Variants in NRXN3 observed in about 807,000 individuals in gnomAD.
The protein encoded by NRXN3 is neurexin III.
In NRXN3, 32 loss-of-function variants were observed where a neutral mutation model predicts 137.6. The ratio of observed to expected loss-of-function variants is 0.23; its 90% CI spans 0.18 to 0.31. The LOEUF (loss-of-function observed/expected upper bound fraction) is 0.31, where lower values mean the gene tolerates loss of function less well. Ranked by LOEUF, NRXN3 falls within the 10% of genes least tolerant of loss-of-function variation. The probability of loss-of-function intolerance (pLI) is 1.00; values close to 1 mark genes in which losing one functional copy is unlikely to be tolerated. For missense variants in NRXN3, 1,574 were observed against 2,062.5 expected (o/e 0.76, Z 4.59); for synonymous variants, 798 against 784.5 (o/e 1.02, Z -0.29).
intron 4 of NRXN3, among the ~76,000 whole-genome samples, chr14:78,560,740 C>T (rs1351542627): frequency 6.6e-6 from 1 of 152,130 alleles, no homozygotes; most frequent in African/African-American, 2.4e-5. Flanking sequence ...TTAGCTGGAA[C>T]CTGGGGGAAA....
chr14:78,930,414 T>C (rs1353213403), intron 10 of NRXN3, among the ~76,000 whole-genome samples: 1 of 152,196 alleles, frequency 6.6e-6, no homozygotes, highest in Non-Finnish European at 1.5e-5. Flanking sequence ...CTAAACATAG[T>C]ATGGTATGTT....
At chr14:79,389,464 C>G (rs1015904750) in intron 15 of NRXN3, among the ~76,000 whole-genome samples, 1 of 152,218 alleles carries the variant, frequency 6.6e-6, no homozygotes, top group Admixed American at 6.5e-5. Flanking sequence ...GCTCCCACCT[C>G]TCACCACTGT....
intron 4 of NRXN3, among the ~76,000 whole-genome samples, chr14:78,323,244 A>G (rs79323187): frequency 2.5e-4 from 38 of 152,178 alleles, no homozygotes; most frequent in African/African-American, 9.2e-4. Flanking sequence ...GTACCGTGGT[A>G]TGGGCTACAG....
At chr14:79,282,299 G>A (rs902164800) in intron 15 of NRXN3, among the ~76,000 whole-genome samples, 5 of 152,152 alleles carry the variant, frequency 3.3e-5, no homozygotes, top group African/African-American at 9.7e-5. Flanking sequence ...AATTAAACAC[G>A]GAAATGCTCA....
At chr14:78,987,806 A>C (rs1020151667) in intron 14 of NRXN3, among the ~76,000 whole-genome samples, 1 of 152,130 alleles carries the variant, frequency 6.6e-6, no homozygotes, top group East Asian at 1.9e-4. Context: ...TTCTGTGTAT[A>C]ACTGTTGATA....
At chr14:79,068,480 A>G (rs2152700501) in intron 15 of NRXN3, among the ~76,000 whole-genome samples, 1 of 152,210 alleles carries the variant, frequency 6.6e-6, no homozygotes, top group African/African-American at 2.4e-5. Context: ...CTGCTATCTT[A>G]TATTTATATC....
intron 16 of NRXN3, among the ~76,000 whole-genome samples, chr14:79,600,989 C>T (rs1602744683): frequency 6.8e-6 from 1 of 146,764 alleles, no homozygotes; most frequent in East Asian, 2.0e-4. Flanking sequence ...TATCTGTGTT[C>T]TTAACAATCT....
intron 15 of NRXN3, among the ~76,000 whole-genome samples, chr14:79,359,761 G>A (rs1217678286): frequency 2.0e-5 from 3 of 151,746 alleles, no homozygotes; most frequent in African/African-American, 7.3e-5. Flanking sequence ...AGTAGACATG[G>A]GGTTTCACCA....
intron 20 of NRXN3, among the ~76,000 whole-genome samples, chr14:79,837,065 G>A (rs1321387743): frequency 2.6e-5 from 4 of 152,004 alleles, no homozygotes; most frequent in East Asian, 1.9e-4. Flanking sequence ...AATTATCACC[G>A]CTTTCTAAGA....
intron 2 of NRXN3, among the ~76,000 whole-genome samples, chr14:78,264,486 G>A (rs1202158046): frequency 1.3e-5 from 2 of 152,122 alleles, no homozygotes; most frequent in Admixed American, 6.6e-5. Context: ...TGGCAGAGTT[G>A]GGGAGGGGAG....
intron 16 of NRXN3, among the ~76,000 whole-genome samples, chr14:79,522,193 A>G (rs2097072760): frequency 6.6e-6 from 1 of 152,190 alleles, no homozygotes; most frequent in South Asian, 2.1e-4. Flanking sequence ...GAAAAGGTAG[A>G]CACAAGTTGA....
At chr14:78,484,559 C>T (rs1175134937) in intron 4 of NRXN3, among the ~76,000 whole-genome samples, 3 of 152,096 alleles carry the variant, frequency 2.0e-5, no homozygotes, top group Non-Finnish European at 4.4e-5. Flanking sequence ...CCCAGGTTGG[C>T]CATTCTCTCC....
intron 15 of NRXN3, among the ~76,000 whole-genome samples, chr14:79,385,186 A>C (rs2094572503): frequency 7.3e-6 from 1 of 136,820 alleles, no homozygotes; most frequent in African/African-American, 2.7e-5. Context: ...CATTAGGTAT[A>C]TCTCCCAATG....
intron 4 of NRXN3, among the ~76,000 whole-genome samples, chr14:78,524,216 T>C (rs2096339279): frequency 6.6e-6 from 1 of 152,200 alleles, no homozygotes; most frequent in Non-Finnish European, 1.5e-5. Flanking sequence ...CTTTACTGGA[T>C]AGTTTCGTAT....
At chr14:78,824,415 A>T (rs2098960507) in intron 10 of NRXN3, among the ~76,000 whole-genome samples, 1 of 152,224 alleles carries the variant, frequency 6.6e-6, no homozygotes, top group Non-Finnish European at 1.5e-5. Flanking sequence ...TGCACTATTC[A>T]TCATTGTATC....
intron 15 of NRXN3, among the ~76,000 whole-genome samples, chr14:79,161,305 G>T (rs1296619891): frequency 6.6e-6 from 1 of 151,910 alleles, no homozygotes; most frequent in Admixed American, 6.6e-5. Flanking sequence ...TTGTAAGATA[G>T]ATACTTGGAG....
intron 10 of NRXN3, among the ~76,000 whole-genome samples, chr14:78,868,753 G>A (rs1280452057): frequency 6.6e-6 from 1 of 151,982 alleles, no homozygotes; most frequent in African/African-American, 2.4e-5. Context: ...CCTGGGAGGA[G>A]GAGGTTGTGG....
chr14:79,346,422 A>G (rs537708639), intron 15 of NRXN3, among the ~76,000 whole-genome samples: 1 of 152,310 alleles, frequency 6.6e-6, no homozygotes, highest in African/African-American at 2.4e-5. Context: ...ACTCTGTCTC[A>G]AAAAATAAGA....
intron 15 of NRXN3, among the ~76,000 whole-genome samples, chr14:79,239,920 T>C (rs535008330): frequency 3.3e-5 from 5 of 152,232 alleles, no homozygotes; most frequent in South Asian, 2.1e-4. Flanking sequence ...ACAGAAAGAC[T>C]AAAACAGCAT....
Sources: gnomAD v4.1 joint callset for allele counts (sites outside exome capture counted in the v4.1 genomes callset) on GRCh38, gnomAD v4.1.1 for gene constraint, MANE v1.5 for transcripts, NCBI Gene and HGNC (gene_info 2026-07-23, HGNC 2026-07-21) for gene names.